ABHD5: variants seen among roughly 807,000 people sequenced by gnomAD.
ABHD5 encodes the protein abhydrolase domain containing 5, lysophosphatidic acid acyltransferase, also known as 1-acylglycerol-3-phosphate O-acyltransferase ABHD5.
In ABHD5, 30 loss-of-function variants were observed where a neutral mutation model predicts 44.9. The observed-to-expected ratio is 0.67, with a 90% CI of 0.50 to 0.91. The LOEUF (loss-of-function observed/expected upper bound fraction) is 0.91, where lower values mean the gene tolerates loss of function less well. ABHD5 is among the 40% of genes least tolerant of loss of function. The pLI, the probability that ABHD5 is intolerant of heterozygous loss-of-function variation, is 0.00. For missense variants in ABHD5, 399 were observed against 423.4 expected, an observed-to-expected ratio of 0.94 and a Z score of 0.50; for synonymous variants, 167 against 147.0, an observed-to-expected ratio of 1.14 and a Z score of -0.99.
Position 43,718,425 on chromosome 3 carries a change from ATGCTT to A in ABHD5, c.961-16_961-12del. On this transcript the variant is annotated splice_polypyrimidine_tract_variant and intron_variant, in intron 6 of 6. Transcript: ENST00000644371. ...ATGCTTTTACTCACTAACTGTCTGA[ATGCTT>A]TTCCTTATCCAGGCTATTCTTGGGG... The A allele has an allele frequency of 6.2e-7, 1 of 1,607,086 alleles. No individual in the cohort carries two copies. The highest frequency in any genetic ancestry group is 8.5e-7 in the Non-Finnish European group (1 of 1,173,666).
At chr3:43,699,919 C>G (rs74352724) in intron 2 of ABHD5, among the ~76,000 whole-genome samples, 3,277 of 152,144 alleles carry the variant, frequency 0.022, 127 homozygotes, top group African/African-American at 0.075. Context: ...AATAGAAAGT[C>G]TTAGTATTAT....
chr3:43,705,962 G>A (rs577553040), intron 3 of ABHD5, among the ~76,000 whole-genome samples: 2 of 152,096 alleles, frequency 1.3e-5, no homozygotes, highest in African/African-American at 4.8e-5. Flanking sequence ...AATATAGTTC[G>A]ATAGACTCAC....
At chr3:43,732,397 T>C (rs924995185) in intron 7 of ABHD5, among the ~76,000 whole-genome samples, 11 of 152,008 alleles carry the variant, frequency 7.2e-5, no homozygotes, top group African/African-American at 2.7e-4. Flanking sequence ...ACCACTGCAC[T>C]CCAGCCTGAG....
At chr3:43,713,903 A>C (rs1559417129) in intron 4 of ABHD5, among the ~76,000 whole-genome samples, 1 of 151,760 alleles carries the variant, frequency 6.6e-6, no homozygotes, top group Non-Finnish European at 1.5e-5. Context: ...ATTGCATGAC[A>C]GAATTTCTTG....
Position 43,702,289 on chromosome 3 carries a change from C to G in ABHD5, c.208C>G (p.His70Asp). 2 of 1,605,148 alleles carry G rather than the reference C, an allele frequency of 1.2e-6. No individual in the cohort carries two copies. Among genetic ancestry groups the G allele is most frequent in the Non-Finnish European group, 8.5e-7 (1 of 1,173,604 alleles). The change falls in exon 3 of 7, where the codon CAT becomes GAT. Residue 70 changes from histidine (H) to aspartate (D), a missense_variant. Coordinates refer to ENST00000644371, the MANE Select transcript of ABHD5 (RefSeq NM_016006.6). ...TAAAATATGGACACTGAAGTTCTCTCATAATATTTCAAATAAGACTCCACT... is the reference window on the plus strand; with the variant it reads ...TAAAATATGGACACTGAAGTTCTCTGATAATATTTCAAATAAGACTCCACT... ...GNKIWTLKFS[H>D]NISNKTPLVL...
Position 43,702,247 on chromosome 3 carries a change from C to G in ABHD5, c.166C>G (p.Arg56Gly). 2 of 1,592,068 alleles carry G rather than the reference C, an allele frequency of 1.3e-6. No homozygotes were observed. Among genetic ancestry groups the G allele is most frequent in the Non-Finnish European group, 8.6e-7 (1 of 1,166,140 alleles). ...TTGCACATACAAAAAAGAACCTGTT[C>G]GTATATCTAATGGAAATAAAATATG... ...VPCTYKKEPV[R>G]ISNGNKIWTL... The change falls in exon 3 of 7, where the codon CGT (arginine) becomes GGT (glycine). Residue 56 changes from arginine (R) to glycine (G), a missense_variant. Coordinates refer to ENST00000644371, the MANE Select transcript of ABHD5 (RefSeq NM_016006.6).
At chr3:43,697,103 T>TGTGGTAA (rs1437337253) in intron 1 of ABHD5, among the ~76,000 whole-genome samples, 1 of 152,204 alleles carries the variant, frequency 6.6e-6, no homozygotes, top group African/African-American at 2.4e-5. Flanking sequence ...AAGCTGGTTT[T>TGTGGTAA]GTGGTAAGTG....
At chr3:43,727,232 A>T (rs2084884125), downstream of ABHD5, among the ~76,000 whole-genome samples, 2 of 152,064 alleles carry the variant, frequency 1.3e-5, no homozygotes, top group Admixed American at 1.3e-4. Context: ...CTCTATTTCA[A>T]ATGTTAACTC....
At chr3:43,700,446 G>C (rs1447037442) in intron 2 of ABHD5, among the ~76,000 whole-genome samples, 1 of 152,190 alleles carries the variant, frequency 6.6e-6, no homozygotes, top group Non-Finnish European at 1.5e-5. Flanking sequence ...TGTAGGTGCA[G>C]ATGTTTGTAC....
At chr3:43,693,282 T>A (rs534495539) in intron 1 of ABHD5, among the ~76,000 whole-genome samples, 2 of 152,338 alleles carry the variant, frequency 1.3e-5, no homozygotes, top group African/African-American at 4.8e-5. Context: ...GTTGGCAGCT[T>A]GAAATTGGCC....
downstream of ABHD5, among the ~76,000 whole-genome samples, chr3:43,726,722 A>G (rs1437116330): frequency 2.0e-5 from 3 of 152,200 alleles, no homozygotes; most frequent in East Asian, 3.9e-4. Context: ...CTCACAGAGC[A>G]TTGAGGCTCA....
chr3:43,716,906 C>T (rs946104511), intron 5 of ABHD5, among the ~76,000 whole-genome samples: 1 of 152,164 alleles, frequency 6.6e-6, no homozygotes, highest in Non-Finnish European at 1.5e-5. Flanking sequence ...AGGCGTGGTA[C>T]TCACGCCTGT....
At chr3:43,704,951 G>A (rs915015096) in intron 3 of ABHD5, among the ~76,000 whole-genome samples, 3 of 152,092 alleles carry the variant, frequency 2.0e-5, no homozygotes, top group Non-Finnish European at 4.4e-5. Flanking sequence ...AGAGTGTATT[G>A]AATATTCAAG....
chr3:43,715,872 G>T (rs994823552), intron 5 of ABHD5, among the ~76,000 whole-genome samples: 1 of 152,168 alleles, frequency 6.6e-6, no homozygotes, highest in African/African-American at 2.4e-5. Context: ...CAAGTGAATG[G>T]GAGATGCTAT....
intron 1 of ABHD5, 137 bp downstream of exon 1, chr3:43,691,176 C>A: frequency 1.2e-6 from 1 of 848,174 alleles, no homozygotes; most frequent in East Asian, 3.4e-5. Flanking sequence ...CCCTCCCCGG[C>A]ATGAGTCCGC....
intron 1 of ABHD5, among the ~76,000 whole-genome samples, chr3:43,698,549 A>G (rs1371161952): frequency 1.3e-5 from 2 of 152,164 alleles, no homozygotes; most frequent in Non-Finnish European, 2.9e-5. Context: ...GGCTACAAGC[A>G]AAGTATGTCA....
downstream of ABHD5, among the ~76,000 whole-genome samples, chr3:43,723,245 A>G (rs74360976): frequency 4.1e-3 from 620 of 152,364 alleles, 7 homozygotes; most frequent in African/African-American, 0.014. Flanking sequence ...CACCAATTCA[A>G]TATTTTGAAA....
At chr3:43,694,202 T>C (rs2084440872) in intron 1 of ABHD5, among the ~76,000 whole-genome samples, 1 of 138,572 alleles carries the variant, frequency 7.2e-6, no homozygotes, top group Admixed American at 8.4e-5. Context: ...GAGCTTGCAG[T>C]GAGCCGAGAT....
At chr3:43,699,950 C>T (rs752801162) in intron 2 of ABHD5, among the ~76,000 whole-genome samples, 23 of 152,132 alleles carry the variant, frequency 1.5e-4, no homozygotes, top group Non-Finnish European at 2.9e-4. Flanking sequence ...GTTTTGACTT[C>T]CTGGATCTCC....
Sources: allele counts gnomAD v4.1 joint callset (sites outside exome capture counted in the v4.1 genomes callset), GRCh38; gene constraint gnomAD v4.1.1; transcripts MANE v1.5; gene names NCBI Gene and HGNC (gene_info 2026-07-23, HGNC 2026-07-21).